LRBA: variants seen among roughly 807,000 people sequenced by gnomAD.
LRBA encodes the protein lipopolysaccharide-responsive and beige-like anchor protein.
LRBA carries 176 observed loss-of-function variants against 330.0 expected under a neutral mutation model. That is an observed-to-expected ratio of 0.53 (90% confidence interval 0.47 to 0.60). LRBA has a LOEUF of 0.60. Among genes scored for constraint, LRBA ranks in the 20% least tolerant of loss-of-function variants. The probability of loss-of-function intolerance (pLI) is 0.00; values close to 1 mark genes in which losing one functional copy is unlikely to be tolerated. For missense variants in LRBA, 3,259 were observed against 3,444.8 expected (o/e 0.95, Z 1.35); for synonymous variants, 1,230 against 1,193.0 (o/e 1.03, Z -0.64).
intron 2 of LRBA, among the ~76,000 whole-genome samples, chr4:150,970,381 T>C (rs1475209803): frequency 6.6e-6 from 1 of 151,462 alleles, no homozygotes; most frequent in Admixed American, 6.6e-5. Flanking sequence ...ACACCTGTAG[T>C]CCCAGCTACT....
chr4:150,461,891 A>G (rs1183643073), intron 44 of LRBA, among the ~76,000 whole-genome samples: 1 of 151,776 alleles, frequency 6.6e-6, no homozygotes, highest in Non-Finnish European at 1.5e-5. Flanking sequence ...TCCCTCTCTC[A>G]GAAAATCTGT....
chr4:150,598,823 T>C (rs1773795196), intron 38 of LRBA, among the ~76,000 whole-genome samples, 184 bp downstream of exon 38: 1 of 152,220 alleles, frequency 6.6e-6, no homozygotes, highest in Non-Finnish European at 1.5e-5. Flanking sequence ...ATAAATATAC[T>C]TGACACCATA....
At chr4:150,447,027 G>A (rs147635922) in intron 44 of LRBA, among the ~76,000 whole-genome samples, 2,990 of 152,200 alleles carry the variant, frequency 0.02, 55 homozygotes, top group Middle Eastern at 0.034. Context: ...AGTAAAGCTC[G>A]GATTTAGAAA....
chr4:150,789,079 A>AAT (rs910510744), intron 34 of LRBA, among the ~76,000 whole-genome samples: 24 of 151,788 alleles, frequency 1.6e-4, no homozygotes, highest in Admixed American at 8.5e-4. Context: ...GTCTCAAAAA[A>AAT]ATATATATAT....
chr4:150,885,497 TG>T (rs893754392), intron 17 of LRBA, among the ~76,000 whole-genome samples: 2 of 152,088 alleles, frequency 1.3e-5, no homozygotes, highest in African/African-American at 4.8e-5. Flanking sequence ...GGTACATGCC[TG>T]TAGTCCCAGC....
At chr4:150,371,182 A>AT (rs70937395) in intron 47 of LRBA, among the ~76,000 whole-genome samples, 3,678 of 91,968 alleles carry the variant, frequency 0.04, 411 homozygotes, top group East Asian at 0.12. Context: ...AAGCTACTAA[A>AT]TTTTTTTTTT....
chr4:150,815,158 A>G (rs577147559), intron 31 of LRBA, among the ~76,000 whole-genome samples: 1 of 152,128 alleles, frequency 6.6e-6, no homozygotes, highest in African/African-American at 2.4e-5. Context: ...TGAAAAATTT[A>G]CTATACCTGA....
At chr4:150,922,394 G>GTA (rs56340108) in intron 4 of LRBA, among the ~76,000 whole-genome samples, 4,550 of 139,598 alleles carry the variant, frequency 0.033, 191 homozygotes, top group African/African-American at 0.099. Flanking sequence ...AGAAACTGTG[G>GTA]TATATATATA....
At chr4:150,660,574 A>G (rs1322048059) in intron 37 of LRBA, among the ~76,000 whole-genome samples, 6 of 148,770 alleles carry the variant, frequency 4.0e-5, no homozygotes, top group South Asian at 2.2e-4. Flanking sequence ...GGTGTGCCCA[A>G]CAGCTCATTG....
intron 37 of LRBA, among the ~76,000 whole-genome samples, chr4:150,657,346 G>A (rs1371019688): frequency 2.0e-5 from 3 of 152,108 alleles, no homozygotes; most frequent in Admixed American, 2.0e-4. Flanking sequence ...GATGTTTTTA[G>A]TAATAACCTC....
intron 38 of LRBA, among the ~76,000 whole-genome samples, chr4:150,592,588 T>C (rs911612312): frequency 2.0e-5 from 3 of 152,170 alleles, no homozygotes; most frequent in Admixed American, 1.3e-4. Flanking sequence ...TGGACATATG[T>C]TTGAAAAGAT....
At chr4:150,796,875 A>G (rs188043079) in intron 34 of LRBA, among the ~76,000 whole-genome samples, 1 of 152,088 alleles carries the variant, frequency 6.6e-6, no homozygotes, top group East Asian at 1.9e-4. Context: ...GGCAATTTCT[A>G]TCCAAGAAAG....
At chr4:150,934,182 A>G (rs991755112) in intron 2 of LRBA, among the ~76,000 whole-genome samples, 56 of 152,226 alleles carry the variant, frequency 3.7e-4, no homozygotes, top group African/African-American at 1.3e-3. Context: ...TCAGCACAAT[A>G]TAACAATGAC....
intron 28 of LRBA, among the ~76,000 whole-genome samples, chr4:150,841,533 A>G (rs542977677): frequency 2.0e-5 from 3 of 152,382 alleles, no homozygotes; most frequent in East Asian, 1.9e-4. Flanking sequence ...TATGTAAAAA[A>G]GCAAATCTGA....
At chr4:150,793,860 A>G (rs1331374907) in intron 34 of LRBA, among the ~76,000 whole-genome samples, 1 of 152,208 alleles carries the variant, frequency 6.6e-6, no homozygotes, top group Non-Finnish European at 1.5e-5. Context: ...GCTAGGTACC[A>G]GAAATACTTT....
chr4:150,653,937 A>C (rs553087101), intron 37 of LRBA, among the ~76,000 whole-genome samples: 74 of 152,268 alleles, frequency 4.9e-4, no homozygotes, highest in African/African-American at 1.8e-3. Flanking sequence ...TAACAATAGC[A>C]ATACTACTAC....
chr4:150,984,160 C>A (rs1741168227), intron 2 of LRBA, among the ~76,000 whole-genome samples: 1 of 152,180 alleles, frequency 6.6e-6, no homozygotes, highest in South Asian at 2.1e-4. Context: ...TTTCATTCAA[C>A]CTGTTAAAAT....
At chr4:150,635,194 T>C (rs758819736) in intron 37 of LRBA, among the ~76,000 whole-genome samples, 1 of 152,194 alleles carries the variant, frequency 6.6e-6, no homozygotes, top group Non-Finnish European at 1.5e-5. Context: ...GCTCCTAGAT[T>C]CTACCATAAG....
intron 30 of LRBA, among the ~76,000 whole-genome samples, chr4:150,820,336 T>G (rs965087571): frequency 2.6e-5 from 4 of 151,976 alleles, no homozygotes; most frequent in South Asian, 2.1e-4. Flanking sequence ...CACATACCAT[T>G]TAATTCACTA....
Sources: gnomAD v4.1 joint callset for allele counts (sites outside exome capture counted in the v4.1 genomes callset) on GRCh38, gnomAD v4.1.1 for gene constraint, MANE v1.5 for transcripts, NCBI Gene and HGNC (gene_info 2026-07-23, HGNC 2026-07-21) for gene names.